The following RTN3 variants were observed in gnomAD, a reference collection of about 807,000 sequenced individuals.
RTN3 encodes reticulon 3.
RTN3 carries 49 observed loss-of-function variants against 77.8 expected under a neutral mutation model. That is an observed-to-expected ratio of 0.63 (90% CI 0.50 to 0.80). The LOEUF (loss-of-function observed/expected upper bound fraction) is 0.80. Ranked by LOEUF, RTN3 falls within the 30% of genes least tolerant of loss-of-function variation. The pLI is 0.00. For missense variants in RTN3, 1,236 were observed against 1,211.9 expected (o/e 1.02, Z -0.29); for synonymous variants, 464 against 446.9 (o/e 1.04, Z -0.48).
At chr11:63,727,915 G>A (rs547863654) in intron 3 of RTN3, among the ~76,000 whole-genome samples, 6 of 152,192 alleles carry the variant, frequency 3.9e-5, no homozygotes, top group South Asian at 2.1e-4. Flanking sequence ...GATGAAAGAC[G>A]CTCATCAAAC....
intron 3 of RTN3, among the ~76,000 whole-genome samples, chr11:63,732,518 CCAATAT>C (rs1247952744): frequency 3.3e-5 from 5 of 151,080 alleles, no homozygotes; most frequent in Admixed American, 6.6e-5. Context: ...GCACAGATTA[CCAATAT>C]CAAGCATGAA....
chr11:63,700,888 G>A (rs1334016525), intron 1 of RTN3, among the ~76,000 whole-genome samples: 2 of 151,518 alleles, frequency 1.3e-5, no homozygotes, highest in African/African-American at 4.8e-5. Flanking sequence ...TCAGGACATC[G>A]AGACCATCCT....
At chr11:63,716,706 G>A (rs776966049) in intron 2 of RTN3, among the ~76,000 whole-genome samples, 8 of 152,098 alleles carry the variant, frequency 5.3e-5, no homozygotes, top group Non-Finnish European at 7.4e-5. Context: ...TGGCTCATGC[G>A]TGTATTCCCA....
chr11:63,687,120 ACAT>A (rs1439693237), intron 1 of RTN3, among the ~76,000 whole-genome samples: 1 of 152,196 alleles, frequency 6.6e-6, no homozygotes, highest in African/African-American at 2.4e-5. Context: ...TCCAACACTG[ACAT>A]CATCTGAGTG....
At chr11:63,711,053 G>A (rs978665976) in intron 2 of RTN3, among the ~76,000 whole-genome samples, 1 of 152,130 alleles carries the variant, frequency 6.6e-6, no homozygotes, top group African/African-American at 2.4e-5. Flanking sequence ...GCCGAGGCGG[G>A]TGGATCACTT....
At chr11:63,728,906 A>G (rs2012477677) in intron 3 of RTN3, among the ~76,000 whole-genome samples, 1 of 144,884 alleles carries the variant, frequency 6.9e-6, no homozygotes, top group African/African-American at 2.6e-5. Context: ...AAAAAAAGAA[A>G]AAAGAAAAGA....
chr11:63,740,208 T>C (rs1023324422), intron 3 of RTN3, among the ~76,000 whole-genome samples: 1 of 152,170 alleles, frequency 6.6e-6, no homozygotes, highest in East Asian at 1.9e-4. Context: ...CACTTTTTCA[T>C]AGAAAAGTTT....
chr11:63,736,988 T>C (rs907372059), intron 3 of RTN3, among the ~76,000 whole-genome samples: 4 of 149,686 alleles, frequency 2.7e-5, no homozygotes, highest in African/African-American at 7.6e-5. Context: ...TTTTTTTTTT[T>C]TCCCTGTGAT....
At chr11:63,742,866 TA>T (rs1565339253) in intron 3 of RTN3, among the ~76,000 whole-genome samples, 1 of 151,884 alleles carries the variant, frequency 6.6e-6, no homozygotes, top group Non-Finnish European at 1.5e-5. Flanking sequence ...TATATATATA[TA>T]TTTTTGTTTG....
At chr11:63,713,508 A>G (rs1219876908) in intron 2 of RTN3, among the ~76,000 whole-genome samples, 1 of 152,192 alleles carries the variant, frequency 6.6e-6, no homozygotes, top group South Asian at 2.1e-4. Context: ...ATGGGGTCGC[A>G]CTGTGTTGCC....
chr11:63,722,227 C>G (rs2011870328), intron 3 of RTN3, among the ~76,000 whole-genome samples: 1 of 152,078 alleles, frequency 6.6e-6, no homozygotes, highest in African/African-American at 2.4e-5. Flanking sequence ...GGTTTTTAAA[C>G]TATTTGATTA....
chr11:63,743,874 CCATTGCA>C (rs2013633408), intron 3 of RTN3, among the ~76,000 whole-genome samples: 1 of 152,096 alleles, frequency 6.6e-6, no homozygotes, highest in African/African-American at 2.4e-5. Context: ...CGAGATCTCG[CCATTGCA>C]CTTCAGCGTG....
chr11:63,684,129 G>GTTTTTTTTTTTTTTTTTT (rs61663789), intron 1 of RTN3, among the ~76,000 whole-genome samples: 10 of 85,258 alleles, frequency 1.2e-4, no homozygotes, highest in African/African-American at 4.7e-4. Context: ...TTTTCTTTTG[G>GTTTTTTTTTTTTTTTTTT]TTTTTTTTTT....
intron 1 of RTN3, among the ~76,000 whole-genome samples, chr11:63,704,626 A>G (rs1416324376): frequency 6.6e-6 from 1 of 152,180 alleles, no homozygotes; most frequent in Admixed American, 6.5e-5. Context: ...TGACTAAAAA[A>G]AAAAAAATGA....
Position 63,711,337 on chromosome 11 carries a change from T to C in RTN3, c.199+6430T>C, listed in dbSNP as rs117454009. Among the ~76,000 whole-genome samples, 3 of 152,096 alleles carry C rather than the reference T, an allele frequency of 2.0e-5. No homozygotes were observed. The East Asian group carries it at 5.8e-4, about 29-fold the overall frequency. On this transcript the variant is annotated intron_variant, in intron 2 of 8. Transcript: ENST00000377819. ...CAGTGTTGGCTTAGAATTTCTTATA[T>C]GTTAAGTTCTCTTGTGGGGTTTTTG...
rs1565052496 is a variant in RTN3 at position 63,758,222 on chromosome 11, C to G, written c.*21C>G. On this transcript the variant is annotated 3_prime_UTR_variant, in exon 9 of 9. Coordinates refer to ENST00000377819, the MANE Select transcript of RTN3 (RefSeq NM_001265589.2). The stretch of plus-strand genomic sequence containing the variant: ...AATAAGTACATGGAAACCAGAAATG[C>G]AACAGTTACTAAAACACCATTTAAT... 6.2e-7 allele frequency: 1 copy of G among 1,613,360 alleles called. No homozygotes were observed. Among genetic ancestry groups the G allele is most frequent in the Non-Finnish European group, 8.5e-7 (1 of 1,179,714 alleles).
chr11:63,732,930 A>G (rs2012797546), intron 3 of RTN3, among the ~76,000 whole-genome samples: 1 of 152,238 alleles, frequency 6.6e-6, no homozygotes, highest in African/African-American at 2.4e-5. Flanking sequence ...AGATATTAGC[A>G]GATCATACCA....
intron 3 of RTN3, among the ~76,000 whole-genome samples, chr11:63,732,705 T>C (rs2012781577): frequency 6.6e-6 from 1 of 152,178 alleles, no homozygotes; most frequent in Non-Finnish European, 1.5e-5. Flanking sequence ...ATCAAAACTC[T>C]TTCCACAAAG....
chr11:63,719,834 T>C lies in RTN3; in HGVS notation c.1332T>C (p.Asp444=), dbSNP rs1300784039. 6.2e-6 allele frequency: 10 copies of C among 1,614,060 alleles called. No homozygotes were observed. Among genetic ancestry groups the C allele is most frequent in the Non-Finnish European group, 8.5e-6 (10 of 1,180,034 alleles). The change falls in exon 3 of 9, where the codon GAT becomes GAC. Residue 444 remains aspartate, a synonymous_variant. Transcript: ENST00000377819. ...KGVQGNMQKQ[D]DTLAELPGSP... ...TGCAAGGCAATATGCAGAAACAGGA[T>C]GACACACTTGCAGAATTACCTGGAT...
Sources: gnomAD v4.1 joint callset for allele counts (sites outside exome capture counted in the v4.1 genomes callset) on GRCh38, gnomAD v4.1.1 for gene constraint, MANE v1.5 for transcripts, NCBI Gene and HGNC (gene_info 2026-07-23, HGNC 2026-07-21) for gene names.